FGD4: variants seen among roughly 807,000 people sequenced by gnomAD.
The protein encoded by FGD4 is FYVE, RhoGEF and PH domain-containing protein 4.
In FGD4, 42 loss-of-function variants were observed where a neutral mutation model predicts 102.0. The observed-to-expected ratio is 0.41, with a 90% CI of 0.32 to 0.53. The LOEUF is 0.53. FGD4 is among the 20% of genes least tolerant of loss of function. The probability of loss-of-function intolerance (pLI) is 0.21; values close to 1 mark genes in which losing one functional copy is unlikely to be tolerated. For missense variants in FGD4, 902 were observed against 1,078.2 expected (o/e 0.84, Z 2.29); for synonymous variants, 380 against 375.7 (o/e 1.01, Z -0.13).
intron 1 of FGD4, among the ~76,000 whole-genome samples, chr12:32,526,906 A>C (rs1404858304): frequency 6.6e-6 from 1 of 152,186 alleles, no homozygotes; most frequent in Non-Finnish European, 1.5e-5. Flanking sequence ...TTCCGAACAC[A>C]TTTTAACTCA....
chr12:32,424,698 G>A (rs979408174), intron 1 of FGD4, among the ~76,000 whole-genome samples: 9 of 152,160 alleles, frequency 5.9e-5, no homozygotes, highest in Admixed American at 5.9e-4. Context: ...CAGTGTAAAA[G>A]CATTCCTATT....
chr12:32,534,388 C>CTCCCTG, intron 1 of FGD4: 1 of 1,489,352 alleles, frequency 6.7e-7, no homozygotes, highest in Non-Finnish European at 8.9e-7. Flanking sequence ...GCTTTACAGC[C>CTCCCTG]AGGAGTGAGA....
rs978654945 is a variant in FGD4, at chr12:32,591,784, C to G, written c.1012-6713C>G. Among the ~76,000 whole-genome samples, 8 of 152,182 alleles carry G rather than the reference C, an allele frequency of 5.3e-5. No homozygotes were observed. The East Asian group carries it at 1.2e-3, about 22-fold the overall frequency. ...CTGACACTGCAGTACATTCATGAAG[C>G]AGTGGGCTACAGTGACTAACAACCA... On this transcript the variant is annotated intron_variant, in intron 4 of 16. Transcript: ENST00000534526.
In FGD4 at chr12:32,641,347, G is replaced by A. The variant is rs1466464525; in HGVS notation, c.*814G>A. ...ATAAGCGGTAATTTATGTGGCATGG[G>A]ATATATTTGTGAATTCCAACAGTAC... On this transcript the variant is annotated 3_prime_UTR_variant, in exon 17 of 17. Coordinates refer to ENST00000534526, the MANE Select transcript of FGD4 (RefSeq NM_001370298.3). 6.6e-6 allele frequency: 1 copy of A among 152,102 alleles called. No homozygotes were observed. The highest frequency in any genetic ancestry group is 1.9e-4 in the East Asian group (1 of 5,198). 9.4% of individuals were successfully genotyped at this position (152,102 alleles called of 1,614,324 possible). A position where few individuals can be genotyped will look rare whatever the true frequency, so the allele number is the denominator to read the frequency against.
At chr12:32,406,366 C>T (rs1388366861) in intron 1 of FGD4, among the ~76,000 whole-genome samples, 1 of 151,686 alleles carries the variant, frequency 6.6e-6, no homozygotes, top group African/African-American at 2.4e-5. Context: ...CCAGCCTGGC[C>T]AACATGGTGA....
At chr12:32,445,006 A>G (rs993463055) in intron 1 of FGD4, among the ~76,000 whole-genome samples, 1 of 152,228 alleles carries the variant, frequency 6.6e-6, no homozygotes, top group Non-Finnish European at 1.5e-5. Flanking sequence ...GTCATTGATG[A>G]GTAAGTTCCA....
At chr12:32,472,379 C>T (rs1185490488) in intron 1 of FGD4, among the ~76,000 whole-genome samples, 4 of 151,486 alleles carry the variant, frequency 2.6e-5, no homozygotes, top group Non-Finnish European at 5.9e-5. Flanking sequence ...GGGCCCCGCA[C>T]TCGGAGCAGC....
intron 1 of FGD4, among the ~76,000 whole-genome samples, chr12:32,436,065 A>G (rs1942218423): frequency 6.6e-6 from 1 of 152,178 alleles, no homozygotes; most frequent in African/African-American, 2.4e-5. Context: ...TGACGATTTC[A>G]TTTACCTAGG....
At chr12:32,526,198 G>A (rs1014074292) in intron 1 of FGD4, among the ~76,000 whole-genome samples, 2 of 152,250 alleles carry the variant, frequency 1.3e-5, no homozygotes, top group African/African-American at 4.8e-5. Flanking sequence ...ACACCAATCA[G>A]CACCCTGTGT....
At chr12:32,487,276 G>C (rs1432550347) in intron 1 of FGD4, among the ~76,000 whole-genome samples, 1 of 152,134 alleles carries the variant, frequency 6.6e-6, no homozygotes, top group Non-Finnish European at 1.5e-5. Flanking sequence ...CCTTAGATTT[G>C]TAAGCACAAA....
chr12:32,519,687 G>C (rs10734804), intron 1 of FGD4, among the ~76,000 whole-genome samples: 124,512 of 152,066 alleles, frequency 0.82, 51,510 homozygotes, highest in Middle Eastern at 0.94. Context: ...CTTGTAATCC[G>C]AGCACTTTGG....
chr12:32,532,562 A>C lies in FGD4; in HGVS notation c.167-31575A>C, dbSNP rs1941903811. Among the ~76,000 whole-genome samples the C allele has an allele frequency of 2.6e-5, 4 of 152,150 alleles. No individual in the cohort carries two copies. In the South Asian group the frequency reaches 8.3e-4, roughly 32 times the overall value. On this transcript the variant is annotated intron_variant, in intron 1 of 16. Transcript: ENST00000534526. Reference sequence around the variant, plus strand: ...TAACATAGCAATGGGCAGAGAGCACATGTTAGCTTTTTTTTTTTTTAAAGT... The same window carrying C: ...TAACATAGCAATGGGCAGAGAGCACCTGTTAGCTTTTTTTTTTTTTAAAGT...
chr12:32,602,805 CAT>C (rs1948507240), intron 7 of FGD4, among the ~76,000 whole-genome samples: 1 of 152,120 alleles, frequency 6.6e-6, no homozygotes, highest in East Asian at 1.9e-4. Context: ...TTGTTAATGT[CAT>C]ATTCTTTGAT....
chr12:32,616,957 A>T (rs1264137048), intron 10 of FGD4, among the ~76,000 whole-genome samples: 2 of 151,914 alleles, frequency 1.3e-5, no homozygotes, highest in Admixed American at 1.3e-4. Flanking sequence ...CTGCATCATA[A>T]CATGCAGAAG....
At chr12:32,465,470 C>A (rs753337484) in intron 1 of FGD4, among the ~76,000 whole-genome samples, 5 of 151,756 alleles carry the variant, frequency 3.3e-5, no homozygotes, top group Admixed American at 6.6e-5. Context: ...GAGATGGAGA[C>A]CATCCCGGCC....
At chr12:32,531,026 AC>A (rs1455815875) in intron 1 of FGD4, among the ~76,000 whole-genome samples, 3 of 128,260 alleles carry the variant, frequency 2.3e-5, no homozygotes, top group Non-Finnish European at 4.6e-5. Context: ...ATCGCGGCTC[AC>A]TGCAACCTCT....
At chr12:32,401,516 C>T (rs1016223682) in intron 1 of FGD4, among the ~76,000 whole-genome samples, 1 of 152,124 alleles carries the variant, frequency 6.6e-6, no homozygotes, top group Non-Finnish European at 1.5e-5. Context: ...CCGCCTCAGC[C>T]TCCCAAAGTG....
intron 2 of FGD4, among the ~76,000 whole-genome samples, chr12:32,567,313 AG>A (rs1482493094): frequency 6.6e-6 from 1 of 152,208 alleles, no homozygotes; most frequent in Non-Finnish European, 1.5e-5. Flanking sequence ...AGCCCCGGAT[AG>A]TTGCTACCCA....
chr12:32,639,665 G>A (rs1358722421), intron 16 of FGD4, among the ~76,000 whole-genome samples: 1 of 152,102 alleles, frequency 6.6e-6, no homozygotes, highest in Non-Finnish European at 1.5e-5. Flanking sequence ...GCAGCACCAG[G>A]TCCTATGATT....
Sources: allele counts gnomAD v4.1 joint callset (sites outside exome capture counted in the v4.1 genomes callset), GRCh38; gene constraint gnomAD v4.1.1; transcripts MANE v1.5; gene names NCBI Gene and HGNC (gene_info 2026-07-23, HGNC 2026-07-21).